The following RIPOR2 variants were observed in gnomAD, a reference collection of about 807,000 sequenced individuals.
The protein encoded by RIPOR2 is RHO family interacting cell polarization regulator 2.
In RIPOR2, 39 loss-of-function variants were observed where a neutral mutation model predicts 114.5. The ratio of observed to expected loss-of-function variants is 0.34; its 90% CI spans 0.26 to 0.44. The LOEUF is 0.44. RIPOR2 is among the 20% of genes least tolerant of loss of function. RIPOR2 has a pLI of 1.00. For missense variants in RIPOR2, 1,007 were observed against 1,255.1 expected (o/e 0.80, Z 2.99); for synonymous variants, 445 against 484.4 (o/e 0.92, Z 1.07).
chr6:24,955,066 G>C (rs1266857006), intron 1 of RIPOR2, among the ~76,000 whole-genome samples: 1 of 150,458 alleles, frequency 6.6e-6, no homozygotes, highest in Non-Finnish European at 1.5e-5. Context: ...AAGGATGTTG[G>C]CCAAAATGTG....
At chr6:24,945,364 A>T (rs1183400059) in intron 1 of RIPOR2, among the ~76,000 whole-genome samples, 1 of 152,190 alleles carries the variant, frequency 6.6e-6, no homozygotes, top group Non-Finnish European at 1.5e-5. Context: ...AATGCTAAAG[A>T]CAGTCCTTTA....
At chr6:24,849,067 G>A (rs1006395812) in intron 11 of RIPOR2, among the ~76,000 whole-genome samples, 1 of 152,120 alleles carries the variant, frequency 6.6e-6, no homozygotes, top group Non-Finnish European at 1.5e-5. Context: ...ACAATGCCCA[G>A]CTAATTTTTG....
intron 1 of RIPOR2, among the ~76,000 whole-genome samples, chr6:24,888,920 G>T (rs937155758): frequency 3.9e-5 from 6 of 152,178 alleles, no homozygotes; most frequent in African/African-American, 1.4e-4. Context: ...CTTTGTTTGA[G>T]CTAGGTTAGA....
chr6:24,911,063 G>T, intron 1 of RIPOR2: 1 of 840,572 alleles, frequency 1.2e-6, no homozygotes, highest in Non-Finnish European at 1.4e-6. Flanking sequence ...TTGCGGGGCT[G>T]GCGGGCGCGA....
chr6:24,869,613 C>G (rs893544476), intron 5 of RIPOR2, among the ~76,000 whole-genome samples: 7 of 151,998 alleles, frequency 4.6e-5, no homozygotes, highest in African/African-American at 1.7e-4. Context: ...CCACCATGCC[C>G]GGCCCTGGAA....
At chr6:24,891,898 G>T (rs1157240147) in intron 1 of RIPOR2, among the ~76,000 whole-genome samples, 1 of 152,030 alleles carries the variant, frequency 6.6e-6, no homozygotes, top group Admixed American at 6.6e-5. Context: ...TTGCTTTGTT[G>T]TCCAGGCTGA....
chr6:24,938,339 C>T (rs1771931755), upstream of RIPOR2, among the ~76,000 whole-genome samples: 1 of 152,154 alleles, frequency 6.6e-6, no homozygotes, highest in Admixed American at 6.5e-5. Flanking sequence ...AAGAGATTCT[C>T]CCTCACATCC....
intron 1 of RIPOR2, among the ~76,000 whole-genome samples, chr6:25,040,202 G>A (rs1343650299): frequency 1.3e-5 from 2 of 150,802 alleles, no homozygotes; most frequent in East Asian, 3.9e-4. Flanking sequence ...TGCAATCTCC[G>A]CCTCTTGGGT....
chr6:24,941,183 C>T (rs1772114589), intron 1 of RIPOR2, among the ~76,000 whole-genome samples: 1 of 152,256 alleles, frequency 6.6e-6, no homozygotes, highest in East Asian at 1.9e-4. Context: ...AGGACTGTTT[C>T]CTTCAATGGG....
At chr6:24,933,057 C>A (rs1771525369) in intron 1 of RIPOR2, among the ~76,000 whole-genome samples, 1 of 152,146 alleles carries the variant, frequency 6.6e-6, no homozygotes, top group Non-Finnish European at 1.5e-5. Flanking sequence ...ACAGCAGGGG[C>A]AAGGCTACAA....
At chr6:25,033,775 A>G (rs1479736113) in intron 1 of RIPOR2, among the ~76,000 whole-genome samples, 2 of 152,234 alleles carry the variant, frequency 1.3e-5, no homozygotes, top group Admixed American at 6.5e-5. Flanking sequence ...TCTACAATAC[A>G]CAATATAGTT....
At chr6:24,951,462 A>C (rs1008327065) in intron 1 of RIPOR2, among the ~76,000 whole-genome samples, 1 of 152,210 alleles carries the variant, frequency 6.6e-6, no homozygotes. Context: ...TTTTGTTGAC[A>C]AAGATAAGAC....
At chr6:24,979,988 A>G (rs756584095) in intron 1 of RIPOR2, among the ~76,000 whole-genome samples, 7 of 152,214 alleles carry the variant, frequency 4.6e-5, no homozygotes, top group Admixed American at 1.3e-4. Context: ...GTTTTTGACC[A>G]CTAAATATAA....
intron 19 of RIPOR2, 112 bp from the exon 20 acceptor site, chr6:24,818,737 G>A: frequency 2.0e-6 from 1 of 506,074 alleles, no homozygotes; most frequent in South Asian, 5.6e-5. Context: ...TACACATTTT[G>A]CACTACCTTC....
intron 1 of RIPOR2, among the ~76,000 whole-genome samples, chr6:24,955,707 A>G (rs1773003115): frequency 6.6e-6 from 1 of 151,656 alleles, no homozygotes. Context: ...TCAAAAAAAA[A>G]AAAAAAAAAA....
rs193187946 is a variant in RIPOR2, at chr6:24,883,047, A to T, written c.62-7230T>A. Among the ~76,000 whole-genome samples the T allele has an allele frequency of 6.6e-6, 1 of 152,236 alleles. No individual in the cohort carries two copies. The highest frequency in any genetic ancestry group is 6.5e-5 in the Admixed American group (1 of 15,284). ...TTTGTGCATGCTTGAGTTGCAGGACATCAAACATCATGAAATTAAAACGAA... is the reference window on the plus strand; with the variant it reads ...TTTGTGCATGCTTGAGTTGCAGGACTTCAAACATCATGAAATTAAAACGAA... On this transcript the variant is annotated intron_variant, in intron 1 of 21. Transcript: ENST00000643898. The surrounding 1 kb of genome is among the most constrained non-coding windows in gnomAD (Gnocchi z 4.1).
intron 6 of RIPOR2, among the ~76,000 whole-genome samples, chr6:24,865,788 G>C (rs751641298): frequency 6.6e-6 from 1 of 151,760 alleles, no homozygotes; most frequent in Non-Finnish European, 1.5e-5. Flanking sequence ...AGAAAGATGA[G>C]AGCTTTCTGT....
chr6:24,818,670 G>C, intron 19 of RIPOR2, 45 bp from the exon 20 acceptor site: 1 of 1,327,450 alleles, frequency 7.5e-7, no homozygotes, highest in African/African-American at 1.5e-5. Context: ...TGGTTTGTTC[G>C]TAGTTTAAGA....
chr6:24,832,819 G>T (rs1402001221), intron 15 of RIPOR2, among the ~76,000 whole-genome samples: 1 of 152,162 alleles, frequency 6.6e-6, no homozygotes, highest in African/African-American at 2.4e-5. Context: ...AAAGTTAAGA[G>T]CAGGTTAAAT....
Sources: gnomAD v4.1 joint callset for allele counts (sites outside exome capture counted in the v4.1 genomes callset) on GRCh38, gnomAD v4.1.1 for gene constraint, Gnocchi (gnomAD v3.1) non-coding constraint, MANE v1.5 for transcripts, NCBI Gene and HGNC (gene_info 2026-07-23, HGNC 2026-07-21) for gene names.